The following DOCK8 variants were observed in gnomAD, a reference collection of about 807,000 sequenced individuals.
DOCK8 encodes the protein dedicator of cytokinesis 8.
DOCK8 carries 141 observed loss-of-function variants against 245.6 expected under a neutral mutation model. That is an observed-to-expected ratio of 0.57 (90% CI 0.50 to 0.66). DOCK8 has a LOEUF of 0.66. Among genes scored for constraint, DOCK8 ranks in the 30% least tolerant of loss-of-function variants. The probability of loss-of-function intolerance (pLI) is 0.00; values close to 1 mark genes in which losing one functional copy is unlikely to be tolerated. For synonymous variants in DOCK8, 1,168 were observed against 970.2 expected (o/e 1.20, Z -3.79); for missense variants, 2,965 against 2,603.4 (o/e 1.14, Z -3.02).
At chr9:333,042 C>T (rs185185762) in intron 10 of DOCK8, among the ~76,000 whole-genome samples, 6 of 152,220 alleles carry the variant, frequency 3.9e-5, no homozygotes, top group Non-Finnish European at 8.8e-5. Flanking sequence ...TTGATTGGGG[C>T]AAGGCCACCC....
rs765303604 is a variant in DOCK8, at chr9:328,024, C to A, written c.897C>A (p.Ile299=). 6.2e-7 allele frequency: 1 copy of A among 1,614,026 alleles called. No individual in the cohort carries two copies. The highest frequency in any genetic ancestry group is 8.5e-7 in the Non-Finnish European group (1 of 1,179,848). ...ALYDVKERKK[I]SENFHCDLNS... Reference sequence around the variant, plus strand: ...TTCACTTTGCTGCTCATTTACAGATCTCAGAAAATTTTCACTGTGACCTGA... The same window carrying A: ...TTCACTTTGCTGCTCATTTACAGATATCAGAAAATTTTCACTGTGACCTGA... The change falls in exon 9 of 48, where the codon ATC becomes ATA. Residue 299 remains isoleucine (I), a splice_region_variant and synonymous_variant. Coordinates refer to ENST00000432829, the MANE Select transcript of DOCK8 (RefSeq NM_203447.4).
chr9:379,774 A>G lies in DOCK8; in HGVS notation c.2444A>G (p.Asn815Ser), dbSNP rs141451302. The G allele has an allele frequency of 1.3e-5, 21 of 1,614,024 alleles. No individual in the cohort carries two copies. The highest frequency in any genetic ancestry group is 3.3e-4 in the Middle Eastern group (2 of 6,084). The change falls in exon 21 of 48, where the codon AAC becomes AGC. Residue 815 changes from asparagine to serine, a missense_variant. Transcript: ENST00000432829. ...QPMVIAGQTA[N>S]FSQFAFESVV... ...CATTTTTCTCTTGGTTCCTCAGCCA[A>G]CTTCTCCCAGTTTGCCTTCGAGTCC...
At chr9:304,882 G>T (rs913197996) in intron 5 of DOCK8, among the ~76,000 whole-genome samples, 178 bp downstream of exon 5, 8 of 151,998 alleles carry the variant, frequency 5.3e-5, no homozygotes, top group African/African-American at 1.9e-4. Flanking sequence ...AGAAATTGGT[G>T]TTCAAATGAA....
chr9:462,022 C>T (rs1401897472), intron 46 of DOCK8, among the ~76,000 whole-genome samples: 1 of 148,096 alleles, frequency 6.8e-6, no homozygotes, highest in East Asian at 2.0e-4. Flanking sequence ...TTTATTACCT[C>T]TCTATATTAA....
intron 4 of DOCK8, among the ~76,000 whole-genome samples, chr9:303,313 C>G (rs1051435837): frequency 6.6e-6 from 1 of 152,188 alleles, no homozygotes; most frequent in Admixed American, 6.5e-5. Flanking sequence ...ATAAATTGTT[C>G]TACAAAAACG....
At chr9:392,783 A>G (rs2054257528) in intron 24 of DOCK8, among the ~76,000 whole-genome samples, 1 of 152,134 alleles carries the variant, frequency 6.6e-6, no homozygotes, top group African/African-American at 2.4e-5. Context: ...ACTGGGCCAT[A>G]AGACCCATTC....
chr9:408,621 C>T (rs1482139644), intron 28 of DOCK8, among the ~76,000 whole-genome samples: 6 of 152,198 alleles, frequency 3.9e-5, no homozygotes, highest in African/African-American at 1.4e-4. Flanking sequence ...CATGCACAAA[C>T]ATGTACATAC....
intron 2 of DOCK8, among the ~76,000 whole-genome samples, chr9:273,942 G>A (rs1415271411): frequency 1.3e-5 from 2 of 152,092 alleles, no homozygotes; most frequent in Non-Finnish European, 2.9e-5. Flanking sequence ...CTGACCTCAG[G>A]TGATCCGCCC....
chr9:377,330 G>A, intron 20 of DOCK8, 119 bp downstream of exon 20: 2 of 1,027,798 alleles, frequency 1.9e-6, no homozygotes, highest in Non-Finnish European at 2.8e-6. Context: ...CACTGATGAT[G>A]TGTGCTCAAG....
At chr9:428,775 A>G (rs529884051) in intron 35 of DOCK8, among the ~76,000 whole-genome samples, 4 of 152,308 alleles carry the variant, frequency 2.6e-5, no homozygotes, top group African/African-American at 7.2e-5. Flanking sequence ...ACAGAGATCA[A>G]CTGAGTGACT....
At chr9:259,012 A>G (rs1466717713) in intron 1 of DOCK8, among the ~76,000 whole-genome samples, 1 of 152,200 alleles carries the variant, frequency 6.6e-6, no homozygotes, top group Non-Finnish European at 1.5e-5. Context: ...AAAGAAAAAA[A>G]AAAACAACTC....
At chr9:400,151 T>C (rs930987138) in intron 26 of DOCK8, among the ~76,000 whole-genome samples, 130 of 11,874 alleles carry the variant, frequency 0.011, no homozygotes, top group Non-Finnish European at 0.013. Flanking sequence ...ACCTCCACCA[T>C]CACCACCACC....
At position 315,983 on chromosome 9, in the gene DOCK8, A is replaced by C. The variant is rs561325072; in HGVS notation, c.742-1060A>C. Among the ~76,000 whole-genome samples the C allele has an allele frequency of 7.2e-5, 11 of 152,302 alleles. No individual in the cohort carries two copies. In the South Asian group the frequency reaches 1.4e-3, roughly 20 times the overall value. ...GGCATCAAAACAATGTCTCCTCTGA[A>C]ATAAACTCAGCCATTCCACCCAGCA... is the stretch of plus-strand genomic sequence containing the variant. On this transcript the variant is annotated intron_variant, in intron 6 of 47. Coordinates refer to ENST00000432829, the MANE Select transcript of DOCK8 (RefSeq NM_203447.4).
At chr9:216,134 G>A (rs978241063) in intron 1 of DOCK8, among the ~76,000 whole-genome samples, 1 of 152,158 alleles carries the variant, frequency 6.6e-6, no homozygotes, top group Non-Finnish European at 1.5e-5. Flanking sequence ...GTGACTGCCA[G>A]CAAACTGTTT....
At chr9:245,216 A>G (rs1348237255) in intron 1 of DOCK8, among the ~76,000 whole-genome samples, 1 of 151,774 alleles carries the variant, frequency 6.6e-6, no homozygotes, top group East Asian at 1.9e-4. Flanking sequence ...TCATTTATTT[A>G]TTTTTTGAGA....
intron 1 of DOCK8, among the ~76,000 whole-genome samples, chr9:269,352 CA>C (rs148775523): frequency 0.033 from 4,980 of 152,074 alleles, 255 homozygotes; most frequent in African/African-American, 0.11. Context: ...ATAATGTTTC[CA>C]AGGTTCATTT....
At chr9:241,247 C>T (rs962946834) in intron 1 of DOCK8, among the ~76,000 whole-genome samples, 2 of 152,102 alleles carry the variant, frequency 1.3e-5, no homozygotes, top group Non-Finnish European at 2.9e-5. Context: ...TCAATATCCT[C>T]CCTTTAAGTA....
At chr9:378,586 C>G (rs1344348030) in intron 20 of DOCK8, among the ~76,000 whole-genome samples, 1 of 152,236 alleles carries the variant, frequency 6.6e-6, no homozygotes, top group Non-Finnish European at 1.5e-5. Context: ...GAGCTCTGCC[C>G]TCCTTCGATT....
chr9:340,079 A>G, intron 13 of DOCK8, 80 bp from the exon 14 acceptor site: 1 of 1,517,260 alleles, frequency 6.6e-7, no homozygotes, highest in South Asian at 1.1e-5. Flanking sequence ...TCATGAAAGA[A>G]ACACAGTGCA....
Sources: gnomAD v4.1 joint callset for allele counts (sites outside exome capture counted in the v4.1 genomes callset) on GRCh38, gnomAD v4.1.1 for gene constraint, MANE v1.5 for transcripts, NCBI Gene and HGNC (gene_info 2026-07-23, HGNC 2026-07-21) for gene names.